Variants in OTULINL observed in about 807,000 individuals in gnomAD.
OTULINL encodes the protein inactive ubiquitin thioesterase OTULINL.
In OTULINL, 42 loss-of-function variants were observed where a neutral mutation model predicts 43.9. The observed-to-expected ratio is 0.96, with a 90% CI of 0.75 to 1.24. The LOEUF (loss-of-function observed/expected upper bound fraction) is 1.24, where lower values mean the gene tolerates loss of function less well. OTULINL is among the 50% of genes most tolerant of loss of function. OTULINL has a pLI of 0.00. For synonymous variants in OTULINL, 172 were observed against 153.6 expected (o/e 1.12, Z -0.88); for missense variants, 411 against 426.4 (o/e 0.96, Z 0.32).
intron 1 of OTULINL, among the ~76,000 whole-genome samples, chr5:14,582,455 CAGTCG>C (rs1236600350): frequency 6.6e-6 from 1 of 151,958 alleles, no homozygotes; most frequent in African/African-American, 2.4e-5. Flanking sequence ...ACCTTCGCGG[CAGTCG>C]AGACTTGCTA....
chr5:14,597,185 A>T (rs1052726203), intron 1 of OTULINL, among the ~76,000 whole-genome samples: 3 of 152,170 alleles, frequency 2.0e-5, no homozygotes, highest in African/African-American at 7.2e-5. Flanking sequence ...TTTATTGGGT[A>T]CTTATGGTGT....
rs533338865 is a variant in OTULINL, at chr5:14,611,083, T to C, written c.*769T>C. 3.9e-5 allele frequency: 6 copies of C among 152,352 alleles called. No individual in the cohort carries two copies. The South Asian group carries it at 1.2e-3, about 32-fold the overall frequency. 9.4% of individuals were successfully genotyped at this position (152,352 alleles called of 1,614,324 possible). On this transcript the variant is annotated 3_prime_UTR_variant, in exon 8 of 8. Transcript: ENST00000274217. ...CTATCACAAAACTATTAAACTGTGG[T>C]ACATTTAATGTGTATTTAATGTGTG...
At position 14,590,998 on chromosome 5, in the gene OTULINL, G is replaced by A. The variant is rs564335871; in HGVS notation, c.64+9040G>A. 4.6e-5 allele frequency among the ~76,000 whole-genome samples: 7 copies of A among 152,294 alleles called. No individual in the cohort carries two copies. The South Asian group carries it at 1.5e-3, about 32-fold the overall frequency. Reference sequence around the variant, plus strand: ...TAAAAAACAAACCCACACTGGCTGTGGAGTAGAAAACAGAACTGGGGAAGG... The same window carrying A: ...TAAAAAACAAACCCACACTGGCTGTAGAGTAGAAAACAGAACTGGGGAAGG... On this transcript the variant is annotated intron_variant, in intron 1 of 7. Coordinates refer to ENST00000274217, the MANE Select transcript of OTULINL (RefSeq NM_019018.3).
At chr5:14,610,057 G>C in intron 7 of OTULINL, 84 bp from the exon 8 acceptor site, 1 of 1,201,456 alleles carries the variant, frequency 8.3e-7, no homozygotes, top group South Asian at 1.3e-5. Context: ...TTCATAAACT[G>C]CAGAGGAACA....
intron 1 of OTULINL, among the ~76,000 whole-genome samples, chr5:14,591,666 G>A (rs778150041): frequency 2.1e-4 from 32 of 152,146 alleles, no homozygotes; most frequent in African/African-American, 7.7e-4. Context: ...CAGAAGATGG[G>A]GAAACACACC....
intron 1 of OTULINL, 21 bp from the exon 2 acceptor site, chr5:14,600,944 T>C (rs1304792701): frequency 1.5e-6 from 2 of 1,350,208 alleles, no homozygotes; most frequent in Middle Eastern, 2.2e-4. Context: ...TTTTTTTTTT[T>C]TTTTTTTGTA....
In OTULINL at chr5:14,612,844, A is replaced by G. The variant is rs1185532505; in HGVS notation, c.*2530A>G. The G allele has an allele frequency of 1.3e-5, 2 of 152,194 alleles. No homozygotes were observed. The highest frequency in any genetic ancestry group is 4.8e-5 in the African/African-American group (2 of 41,450). 9.4% of individuals were successfully genotyped at this position (152,194 alleles called of 1,614,324 possible). A position where few individuals can be genotyped will look rare whatever the true frequency, so the allele number is the denominator to read the frequency against. On this transcript the variant is annotated 3_prime_UTR_variant, in exon 8 of 8. Transcript: ENST00000274217. ...TCTCAAATTTTGGCCTTACGTGTCC[A>G]TACTGAGGGGTTGTATGCATATTAG...
At chr5:14,599,364 T>G (rs182680393) in intron 1 of OTULINL, among the ~76,000 whole-genome samples, 4 of 152,012 alleles carry the variant, frequency 2.6e-5, no homozygotes, top group Non-Finnish European at 5.9e-5. Flanking sequence ...GGTGCATGCC[T>G]GTAATCCCAG....
At chr5:14,601,568 C>T in intron 4 of OTULINL, 126 bp downstream of exon 4, 1 of 868,694 alleles carries the variant, frequency 1.2e-6, no homozygotes, top group Admixed American at 2.8e-5. Context: ...CAAGTAACAA[C>T]TGTGGCTCTA....
Position 14,589,865 on chromosome 5 carries a change from C to T in OTULINL, c.64+7907C>T, listed in dbSNP as rs549332794. ...TATTGGGGGGCTGAGGCAGGAGACTCACTTGAACTTTGGAGGCAGAGGTTG... is the reference window on the plus strand; with the variant it reads ...TATTGGGGGGCTGAGGCAGGAGACTTACTTGAACTTTGGAGGCAGAGGTTG... On this transcript the variant is annotated intron_variant, in intron 1 of 7. Coordinates refer to ENST00000274217, the MANE Select transcript of OTULINL (RefSeq NM_019018.3). Among the ~76,000 whole-genome samples the T allele has an allele frequency of 4.6e-5, 7 of 152,176 alleles. No individual in the cohort carries two copies. In the South Asian group the frequency reaches 1.2e-3, roughly 27 times the overall value.
rs1466838071 is a variant in OTULINL at position 14,615,383 on chromosome 5, C to T, written c.*5069C>T. 1.5e-5 allele frequency among the ~76,000 whole-genome samples: 1 copy of T among 66,800 alleles called. No homozygotes were observed. Among genetic ancestry groups the T allele is most frequent in the Non-Finnish European group, 2.8e-5 (1 of 35,280 alleles). 43.8% of individuals were successfully genotyped at this position (66,800 alleles called of 152,430 possible). On this transcript the variant is annotated 3_prime_UTR_variant, in exon 8 of 8. Transcript: ENST00000274217. ...TACCTGGACTTCCTTTGGGTGCCGGCTTTTCTGCTGGACTAAGATTCATGG... is the reference window on the plus strand; with the variant it reads ...TACCTGGACTTCCTTTGGGTGCCGGTTTTTCTGCTGGACTAAGATTCATGG...
Position 14,591,994 on chromosome 5 carries a change from C to G in OTULINL, c.65-8971C>G, listed in dbSNP as rs140481595. Reference sequence around the variant, plus strand: ...CATAAAGCTTTATTGGATTGGAGCCCTGTGTGTATTGTCTGTGGCTGCTTT... The same window carrying G: ...CATAAAGCTTTATTGGATTGGAGCCGTGTGTGTATTGTCTGTGGCTGCTTT... On this transcript the variant is annotated intron_variant, in intron 1 of 7. Coordinates refer to ENST00000274217, the MANE Select transcript of OTULINL (RefSeq NM_019018.3). 1.7e-3 allele frequency among the ~76,000 whole-genome samples: 260 copies of G among 152,222 alleles called. 2 individuals carry two copies. The highest frequency in any genetic ancestry group is 0.01 in the Middle Eastern group (3 of 294).
chr5:14,595,929 T>G (rs982754267), intron 1 of OTULINL, among the ~76,000 whole-genome samples: 1 of 152,320 alleles, frequency 6.6e-6, no homozygotes, highest in Admixed American at 6.5e-5. Context: ...ATGTATGGTC[T>G]CATTTCAGCC....
At chr5:14,589,754 C>T (rs1759166552) in intron 1 of OTULINL, among the ~76,000 whole-genome samples, 1 of 152,082 alleles carries the variant, frequency 6.6e-6, no homozygotes, top group Non-Finnish European at 1.5e-5. Flanking sequence ...GGTTCGAGAC[C>T]AGCCTGGCCA....
intron 1 of OTULINL, among the ~76,000 whole-genome samples, chr5:14,591,607 C>A (rs1759203747): frequency 6.6e-6 from 1 of 152,192 alleles, no homozygotes; most frequent in Non-Finnish European, 1.5e-5. Flanking sequence ...GAAGGCCTCT[C>A]CACCGGGAAA....
intron 1 of OTULINL, among the ~76,000 whole-genome samples, chr5:14,599,286 C>T (rs533874301): frequency 2.0e-5 from 3 of 152,106 alleles, no homozygotes; most frequent in East Asian, 1.9e-4. Context: ...GTTGGGAGCT[C>T]GAGACCAGCC....
At chr5:14,601,284 G>T (rs1411088350) in intron 3 of OTULINL, 40 bp downstream of exon 3, 1 of 1,609,184 alleles carries the variant, frequency 6.2e-7, no homozygotes, top group Non-Finnish European at 8.5e-7. Flanking sequence ...TTTTTAAGGT[G>T]CAGAGAGGGT....
Position 14,613,526 on chromosome 5 carries a change from C to T in OTULINL, c.*3212C>T, listed in dbSNP as rs1303037052. Reference sequence around the variant, plus strand: ...GAGAGAGTTAGGTTAGTTAGTACAACCTAAGAGGGAGTTAAATGGATCAGG... The same window carrying T: ...GAGAGAGTTAGGTTAGTTAGTACAATCTAAGAGGGAGTTAAATGGATCAGG... On this transcript the variant is annotated 3_prime_UTR_variant, in exon 8 of 8. Transcript: ENST00000274217. 6.6e-6 allele frequency among the ~76,000 whole-genome samples: 1 copy of T among 152,076 alleles called. No individual in the cohort carries two copies. Among genetic ancestry groups the T allele is most frequent in the African/African-American group, 2.4e-5 (1 of 41,414 alleles).
chr5:14,596,827 T>G (rs1277827017), intron 1 of OTULINL, among the ~76,000 whole-genome samples: 1 of 152,092 alleles, frequency 6.6e-6, no homozygotes, highest in Non-Finnish European at 1.5e-5. Flanking sequence ...TGTAATGTGG[T>G]GGAGGGCGTC....
Sources: allele counts gnomAD v4.1 joint callset (sites outside exome capture counted in the v4.1 genomes callset), GRCh38; gene constraint gnomAD v4.1.1; transcripts MANE v1.5; gene names NCBI Gene and HGNC (gene_info 2026-07-23, HGNC 2026-07-21).